Variants in FBXL4 observed in about 807,000 individuals in gnomAD.
FBXL4 encodes the protein F-box/LRR-repeat protein 4.
A neutral mutation model predicts 58.9 loss-of-function variants in FBXL4; 40 were observed. That is an observed-to-expected ratio of 0.68 (90% confidence interval 0.53 to 0.88). The LOEUF is 0.88. Ranked by LOEUF, FBXL4 falls within the 40% of genes least tolerant of loss-of-function variation. FBXL4 has a pLI of 0.00. For synonymous variants in FBXL4, 263 were observed against 265.5 expected (o/e 0.99, Z 0.09); for missense variants, 676 against 734.4 (o/e 0.92, Z 0.92).
intron 7 of FBXL4, among the ~76,000 whole-genome samples, chr6:98,893,568 G>A (rs1414138171): frequency 6.6e-6 from 1 of 152,168 alleles, no homozygotes; most frequent in African/African-American, 2.4e-5. Context: ...TAGGTACTGG[G>A]GGGTAGGACT....
intron 7 of FBXL4, among the ~76,000 whole-genome samples, chr6:98,897,599 G>T (rs939525258): frequency 6.6e-6 from 1 of 152,152 alleles, no homozygotes; most frequent in Non-Finnish European, 1.5e-5. Flanking sequence ...ACCTGAGGGT[G>T]GGTAGCTGAT....
chr6:98,905,252 C>T (rs1222340236), intron 6 of FBXL4, among the ~76,000 whole-genome samples, 174 bp downstream of exon 6: 1 of 152,140 alleles, frequency 6.6e-6, no homozygotes, highest in Non-Finnish European at 1.5e-5. Context: ...GATAGTAAAA[C>T]ACTTATTTTT....
chr6:98,905,259 T>C (rs544603895), intron 6 of FBXL4, among the ~76,000 whole-genome samples, 167 bp downstream of exon 6: 1 of 152,230 alleles, frequency 6.6e-6, no homozygotes, highest in East Asian at 1.9e-4. Flanking sequence ...AAACACTTAT[T>C]TTTTTATAAG....
Position 98,927,077 on chromosome 6 carries a change from CT to C in FBXL4, c.-72-18del. On this transcript the variant is annotated intron_variant, in intron 3 of 9. Coordinates refer to ENST00000369244, the MANE Select transcript of FBXL4 (RefSeq NM_001278716.2). ...AAGGATGTTCTAAAAAAATGAATGG[CT>C]TGGTGAAGTAAAATAATTTAAATAA... 7.8e-7 allele frequency: 1 copy of C among 1,289,014 alleles called. No homozygotes were observed. The highest frequency in any genetic ancestry group is 1.4e-5 in the South Asian group (1 of 69,912). The allele number at this position is 1,289,014 out of a possible 1,614,324, so 79.8% of individuals were successfully genotyped here. A position where few individuals can be genotyped will look rare whatever the true frequency, so the allele number is the denominator to read the frequency against.
At position 98,874,138 on chromosome 6, in the gene FBXL4, T is replaced by C; in HGVS notation, c.*140A>G. 1 of 593,718 alleles carries C rather than the reference T, an allele frequency of 1.7e-6. No individual in the cohort carries two copies. The allele number at this position is 593,718 out of a possible 1,614,324, so 36.8% of individuals were successfully genotyped here. ...TTGTGCACATTTTTACTTGATTTAATGGACAATTTCATATTTTTCTTTAAA... is the reference window on the plus strand; with the variant it reads ...TTGTGCACATTTTTACTTGATTTAACGGACAATTTCATATTTTTCTTTAAA... On this transcript the variant is annotated 3_prime_UTR_variant, in exon 10 of 10. Transcript: ENST00000369244.
chr6:98,920,104 T>C (rs1277469123), intron 4 of FBXL4, among the ~76,000 whole-genome samples: 1 of 152,266 alleles, frequency 6.6e-6, no homozygotes, highest in East Asian at 1.9e-4. Flanking sequence ...TCTTCATGTA[T>C]AATTTGAAAT....
At chr6:98,910,385 G>A (rs1192487696) in intron 5 of FBXL4, among the ~76,000 whole-genome samples, 3 of 152,160 alleles carry the variant, frequency 2.0e-5, no homozygotes, top group Non-Finnish European at 4.4e-5. Flanking sequence ...CGGGCACGGT[G>A]GCTCACGCCC....
In FBXL4 at chr6:98,875,436, A is replaced by T. The variant is rs143428179; in HGVS notation, c.1681T>A (p.Leu561Ile). 4.3e-6 allele frequency: 7 copies of T among 1,613,988 alleles called. No homozygotes were observed. In the African/African-American group the frequency reaches 9.3e-5, roughly 22 times the overall value. Residue 561 changes from leucine (L) to isoleucine (I), a missense_variant, in exon 9 of 10, where the codon TTA becomes ATA. By Grantham distance (5) the Leu-to-Ile change is conservative. Coordinates refer to ENST00000369244, the MANE Select transcript of FBXL4 (RefSeq NM_001278716.2). ...IDELACNCTR[L>I]QQLDILGTRM... ...TTACCTAATATGTCCAGCTGCTGTA[A>T]CCTGGTACAATTACATGCCAATTCA... is the stretch of plus-strand genomic sequence containing the variant.
chr6:98,901,532 A>G (rs1771612139), intron 6 of FBXL4, among the ~76,000 whole-genome samples: 1 of 152,178 alleles, frequency 6.6e-6, no homozygotes, highest in African/African-American at 2.4e-5. Context: ...TGAAAGCAAA[A>G]TAAGATAAAG....
chr6:98,881,437 C>T (rs1417936531), intron 7 of FBXL4, among the ~76,000 whole-genome samples: 2 of 151,936 alleles, frequency 1.3e-5, no homozygotes, highest in African/African-American at 4.8e-5. Flanking sequence ...TTCAAACTTA[C>T]ATGGCAAAAT....
chr6:98,888,686 C>A (rs1228174245), intron 7 of FBXL4, among the ~76,000 whole-genome samples: 1 of 152,142 alleles, frequency 6.6e-6, no homozygotes, highest in East Asian at 1.9e-4. Context: ...TAGTGCAAGG[C>A]AGCAGATTCA....
chr6:98,936,819 CT>C (rs1395876850), intron 1 of FBXL4, among the ~76,000 whole-genome samples: 3 of 152,186 alleles, frequency 2.0e-5, no homozygotes, highest in Non-Finnish European at 4.4e-5. Context: ...ATTGGCACCC[CT>C]AACCTTCATG....
At chr6:98,916,907 A>G (rs1271935869) in intron 5 of FBXL4, among the ~76,000 whole-genome samples, 1 of 152,040 alleles carries the variant, frequency 6.6e-6, no homozygotes, top group East Asian at 1.9e-4. Flanking sequence ...TTAGGAGAAT[A>G]TAGAATAGAG....
At chr6:98,932,143 C>A (rs1257226428) in intron 2 of FBXL4, among the ~76,000 whole-genome samples, 1 of 152,034 alleles carries the variant, frequency 6.6e-6, no homozygotes, top group African/African-American at 2.4e-5. Context: ...TTTGTTCATT[C>A]AAAAAGCTAC....
At chr6:98,903,587 T>G (rs1262080882) in intron 6 of FBXL4, among the ~76,000 whole-genome samples, 1 of 152,170 alleles carries the variant, frequency 6.6e-6, no homozygotes, top group Non-Finnish European at 1.5e-5. Context: ...ACTCTAACTT[T>G]GCAAAAGATC....
Position 98,899,386 on chromosome 6 carries a change from C to T in FBXL4, c.1199G>A (p.Cys400Tyr). The change falls in exon 7 of 10, where the codon TGT (cysteine) becomes TAT (tyrosine). Residue 400 changes from cysteine to tyrosine, a missense_variant. Cys to Tyr is a radical substitution (Grantham distance 194). Transcript: ENST00000369244. ...ETCLEVISEM[C>Y]PNLQALNLSS... is the part of the protein sequence containing the mutation. ...GAGATTTAAGGCCTGTAGATTTGGA[C>T]ACATCTCAGAAATAACTTCTAAGCA... 6.2e-7 allele frequency: 1 copy of T among 1,613,964 alleles called. No homozygotes were observed. Among genetic ancestry groups the T allele is most frequent in the Non-Finnish European group, 8.5e-7 (1 of 1,179,956 alleles).
At chr6:98,897,278 A>G in intron 7 of FBXL4, 2 of 985,278 alleles carry the variant, frequency 2.0e-6, no homozygotes, top group South Asian at 4.7e-5. Context: ...GAACAGTCCT[A>G]CCCAAGAAAA....
chr6:98,916,940 C>T (rs1772381583), intron 5 of FBXL4, among the ~76,000 whole-genome samples: 1 of 151,206 alleles, frequency 6.6e-6, no homozygotes, highest in African/African-American at 2.4e-5. Context: ...AAAAATGACA[C>T]TTAGAGAAAC....
At position 98,926,304 on chromosome 6, in the gene FBXL4, A is replaced by C. The variant is rs1011675; in HGVS notation, c.512+173T>G. 0.69 allele frequency among the ~76,000 whole-genome samples: 104,631 copies of C among 151,998 alleles called. 36,862 individuals carry two copies. The highest frequency in any genetic ancestry group is 0.85 in the African/African-American group (35,073 of 41,468). On this transcript the variant is annotated intron_variant, in intron 4 of 9. Coordinates refer to ENST00000369244, the MANE Select transcript of FBXL4 (RefSeq NM_001278716.2). Reference sequence around the variant, plus strand: ...TGAGGTATTACAGGTATAAAGCCTGAATTAAATCTTTATATGAGTGATCTC... The same window carrying C: ...TGAGGTATTACAGGTATAAAGCCTGCATTAAATCTTTATATGAGTGATCTC...
Sources: gnomAD v4.1 joint callset for allele counts (sites outside exome capture counted in the v4.1 genomes callset) on GRCh38, gnomAD v4.1.1 for gene constraint, MANE v1.5 for transcripts, NCBI Gene and HGNC (gene_info 2026-07-23, HGNC 2026-07-21) for gene names.